Variants in POLA1 observed in about 807,000 individuals in gnomAD.
The protein encoded by POLA1 is DNA polymerase alpha 1, catalytic subunit, also known as DNA polymerase alpha catalytic subunit.
A neutral mutation model predicts 124.0 loss-of-function variants in POLA1; 15 were observed. That is an observed-to-expected ratio of 0.12 (90% confidence interval 0.08 to 0.19). The LOEUF is 0.19. POLA1 is among the 10% of genes least tolerant of loss of function. POLA1 has a pLI of 1.00. For missense variants in POLA1, 886 were observed against 1,103.4 expected (o/e 0.80, Z 2.79); for synonymous variants, 408 against 389.4 (o/e 1.05, Z -0.56).
intron 36 of POLA1, among the ~76,000 whole-genome samples, chrX:24,989,333 C>T (rs2048510894): frequency 1.8e-5 from 2 of 111,911 alleles, no homozygotes; most frequent in Admixed American, 9.5e-5. Flanking sequence ...CGACTTGACT[C>T]TGTCCCAACC....
intron 34 of POLA1, among the ~76,000 whole-genome samples, chrX:24,870,526 C>T (rs1443694841): frequency 8.9e-6 from 1 of 111,965 alleles, no homozygotes; most frequent in East Asian, 2.8e-4. Context: ...GTAGAGACTT[C>T]TCTGTTCTTA....
intron 23 of POLA1, among the ~76,000 whole-genome samples, chrX:24,743,986 G>A (rs1384612146): frequency 9.3e-6 from 1 of 107,735 alleles, no homozygotes; most frequent in Non-Finnish European, 1.9e-5. Flanking sequence ...TTCACCTCTT[G>A]GGTTCAAGCG....
At chrX:24,879,024 G>A (rs2046970725) in intron 34 of POLA1, among the ~76,000 whole-genome samples, 2 of 111,796 alleles carry the variant, frequency 1.8e-5, no homozygotes, top group Admixed American at 1.9e-4. Context: ...GCATTGTAGA[G>A]TATTTCCTTC....
intron 36 of POLA1, among the ~76,000 whole-genome samples, chrX:24,990,980 A>G (rs1310956702): frequency 8.9e-6 from 1 of 111,991 alleles, no homozygotes; most frequent in African/African-American, 3.2e-5. Context: ...GTAATCATTT[A>G]CCATTCTGAT....
At chrX:24,877,154 G>C (rs1212968124) in intron 34 of POLA1, among the ~76,000 whole-genome samples, 2 of 111,852 alleles carry the variant, frequency 1.8e-5, no homozygotes, top group Non-Finnish European at 3.8e-5. Context: ...GATCGGGTTT[G>C]GGGGAGGGGG....
intron 36 of POLA1, among the ~76,000 whole-genome samples, chrX:24,984,520 T>A (rs1328833595): frequency 9.0e-6 from 1 of 110,926 alleles, no homozygotes; most frequent in Non-Finnish European, 1.9e-5. Flanking sequence ...ACCATCAACG[T>A]TTTACACCGG....
chrX:24,802,002 A>G (rs960767417), intron 26 of POLA1, among the ~76,000 whole-genome samples: 1 of 98,343 alleles, frequency 1.0e-5, no homozygotes, highest in Non-Finnish European at 2.0e-5. Flanking sequence ...CAAGTCTGAA[A>G]TCTGTAGGGC....
Position 24,732,390 on chromosome X carries a change from G to A in POLA1, c.1707G>A (p.Leu569=), listed in dbSNP as rs761784863. ...TGCAGATTATTGCTATGGCAGCTTTGGTCCATCACAGTTTTGCATTGGATA... is the reference window on the plus strand; with the variant it reads ...TGCAGATTATTGCTATGGCAGCTTTAGTCCATCACAGTTTTGCATTGGATA... ...HQNEIIAMAA[L]VHHSFALDKA... is the part of the protein sequence containing the mutation. Residue 569 remains leucine (L), a synonymous_variant, in exon 16 of 37, where the codon TTG becomes TTA. Coordinates refer to ENST00000379068, the MANE Select transcript of POLA1 (RefSeq NM_001330360.2). 8.4e-7 allele frequency: 1 copy of A among 1,194,174 alleles called. No individual in the cohort carries two copies. The highest frequency in any genetic ancestry group is 1.1e-6 in the Non-Finnish European group (1 of 881,499).
chrX:24,909,322 C>T (rs1464643664), intron 35 of POLA1, among the ~76,000 whole-genome samples: 9 of 112,033 alleles, frequency 8.0e-5, no homozygotes, highest in African/African-American at 2.9e-4. Context: ...TGCCTATGTC[C>T]TGAATGGTAT....
intron 36 of POLA1, among the ~76,000 whole-genome samples, chrX:24,948,574 T>A (rs1353426208): frequency 3.6e-5 from 4 of 111,957 alleles, no homozygotes; most frequent in Non-Finnish European, 7.5e-5. Flanking sequence ...AATATTTGAA[T>A]TATCAACTGA....
chrX:24,898,850 C>T (rs145112850), intron 35 of POLA1, among the ~76,000 whole-genome samples: 1 of 111,482 alleles, frequency 9.0e-6, no homozygotes, highest in Non-Finnish European at 1.9e-5. Context: ...TTCATTGTTT[C>T]ACTTTTAATG....
chrX:24,968,721 A>G (rs1448312920), intron 36 of POLA1, among the ~76,000 whole-genome samples: 2 of 108,488 alleles, frequency 1.8e-5, no homozygotes, highest in East Asian at 5.8e-4. Flanking sequence ...AAAAAAAAAA[A>G]AGAATCCATT....
chrX:24,947,969 G>T (rs1215550712), intron 36 of POLA1, among the ~76,000 whole-genome samples: 2 of 112,124 alleles, frequency 1.8e-5, no homozygotes, highest in Non-Finnish European at 3.8e-5. Flanking sequence ...TTCCTGGTTT[G>T]TCGCTGACTC....
intron 32 of POLA1, among the ~76,000 whole-genome samples, chrX:24,827,753 G>A (rs189935702): frequency 8.9e-6 from 1 of 112,156 alleles, no homozygotes; most frequent in Admixed American, 9.4e-5. Context: ...AAGATGATAT[G>A]TGTGAGATGT....
At position 24,741,499 on chromosome X, in the gene POLA1, A is replaced by C; in HGVS notation, c.2341A>C (p.Ile781Leu). 8.3e-7 allele frequency: 1 copy of C among 1,201,492 alleles called. No individual in the cohort carries two copies. Among genetic ancestry groups the C allele is most frequent in the Non-Finnish European group, 1.1e-6 (1 of 887,079 alleles). The change falls in exon 21 of 37, where the codon ATT becomes CTT. Residue 781 changes from isoleucine (I) to leucine (L), a missense_variant. This residue lies in a region of POLA1 where 182 missense variants were observed against 252.8 expected (regional missense o/e 0.72). Transcript: ENST00000379068. ...ALQITNIAGN[I>L]MSRTLMGGRS... ...GCAGATCACTAACATCGCTGGGAAC[A>C]TTATGGTAAATTTAACTTAGAAAGG...
chrX:24,995,066 A>G (rs189225592), intron 36 of POLA1, among the ~76,000 whole-genome samples: 141 of 110,871 alleles, frequency 1.3e-3, no homozygotes, highest in East Asian at 4.0e-3. Flanking sequence ...CAAAAAAAAA[A>G]AAAGAAAGAA....
intron 34 of POLA1, among the ~76,000 whole-genome samples, chrX:24,877,013 C>T (rs1569347008): frequency 1.8e-5 from 2 of 111,886 alleles, no homozygotes; most frequent in Admixed American, 1.9e-4. Flanking sequence ...CCATGCGAGT[C>T]GCCCTTGGTA....
intron 30 of POLA1, among the ~76,000 whole-genome samples, chrX:24,816,000 G>A (rs2045983935): frequency 9.0e-6 from 1 of 111,445 alleles, no homozygotes; most frequent in Admixed American, 9.5e-5. Flanking sequence ...ATTAATCAGT[G>A]TATTAAAAAG....
In POLA1 at chrX:24,745,400, G is replaced by A. The variant is rs772870674; in HGVS notation, c.2567-18G>A. ...TGCTTTTCTTTAGACTTTTTATGAC[G>A]TGGCTTTTTAATTTCAGGTTTTTAT... is the stretch of plus-strand genomic sequence containing the variant. On this transcript the variant is annotated intron_variant, in intron 23 of 36. Coordinates refer to ENST00000379068, the MANE Select transcript of POLA1 (RefSeq NM_001330360.2). 6.8e-5 allele frequency: 77 copies of A among 1,125,366 alleles called. No individual in the cohort carries two copies. Among genetic ancestry groups the A allele is most frequent in the Admixed American group, 2.5e-4 (9 of 36,033 alleles). 92.7% of individuals were successfully genotyped at this position (1,125,366 alleles called of 1,213,427 possible).
Sources: allele counts gnomAD v4.1 joint callset (sites outside exome capture counted in the v4.1 genomes callset), GRCh38; gene constraint gnomAD v4.1.1; regional missense constraint gnomAD v4.1.1; transcripts MANE v1.5; gene names NCBI Gene and HGNC (gene_info 2026-07-23, HGNC 2026-07-21).